FGF12: variants seen among roughly 807,000 people sequenced by gnomAD.
FGF12 encodes the protein fibroblast growth factor 12.
FGF12 carries 14 observed loss-of-function variants against 23.6 expected under a neutral mutation model. The observed-to-expected ratio is 0.59, with a 90% CI of 0.39 to 0.93. FGF12 has a LOEUF of 0.93. Ranked by LOEUF, FGF12 falls within the 40% of genes least tolerant of loss-of-function variation. The pLI is 0.00. For synonymous variants in FGF12, 62 were observed against 77.3 expected, an observed-to-expected ratio of 0.80 and a Z score of 1.04; for missense variants, 175 against 217.8, an observed-to-expected ratio of 0.80 and a Z score of 1.24.
At chr3:192,303,976 G>A (rs1415155719) in intron 4 of FGF12, among the ~76,000 whole-genome samples, 1 of 152,126 alleles carries the variant, frequency 6.6e-6, no homozygotes, top group Non-Finnish European at 1.5e-5. Context: ...TCTCCAGTAA[G>A]CCATTTCATC....
intron 2 of FGF12, among the ~76,000 whole-genome samples, chr3:192,502,241 G>A (rs1193687115): frequency 6.6e-6 from 1 of 152,174 alleles, no homozygotes; most frequent in Non-Finnish European, 1.5e-5. Context: ...TGCTTCCAAC[G>A]AGGTGTTAAG....
chr3:192,168,244 A>G (rs571708036), intron 5 of FGF12, among the ~76,000 whole-genome samples: 26 of 152,224 alleles, frequency 1.7e-4, no homozygotes, highest in Non-Finnish European at 3.5e-4. Flanking sequence ...TGAACAAATA[A>G]AAATGATGCA....
chr3:192,594,630 T>G (rs1286285704), intron 2 of FGF12, among the ~76,000 whole-genome samples: 1 of 151,838 alleles, frequency 6.6e-6, no homozygotes, highest in Non-Finnish European at 1.5e-5. Context: ...AGATAAGGTC[T>G]GATCCTAAAC....
rs1333479088 is a variant in FGF12, at chr3:192,409,565, C to T, written c.14-49027G>A. On this transcript the variant is annotated intron_variant, in intron 2 of 5. Coordinates refer to ENST00000445105, the MANE Select transcript of FGF12 (RefSeq NM_004113.6). This position sits in a 1 kb window ranked among gnomAD's most constrained non-coding sequence, Gnocchi z 4.8. ...CCGGACGCAAGGCCGATCACTCAGT[C>T]CCGCGCCGCCCATCCCGGCCGAGGA... Among the ~76,000 whole-genome samples the T allele has an allele frequency of 6.6e-6, 1 of 152,222 alleles. No homozygotes were observed. The highest frequency in any genetic ancestry group is 1.5e-5 in the Non-Finnish European group (1 of 68,042).
At chr3:192,474,772 G>T (rs1418476874) in intron 2 of FGF12, among the ~76,000 whole-genome samples, 4 of 151,714 alleles carry the variant, frequency 2.6e-5, no homozygotes, top group African/African-American at 7.3e-5. Context: ...GTAGTCCCAG[G>T]TATTTGGGAG....
chr3:192,435,271 TA>T (rs199936558), intron 2 of FGF12, among the ~76,000 whole-genome samples: 3 of 152,082 alleles, frequency 2.0e-5, no homozygotes, highest in Admixed American at 6.6e-5. Context: ...TAGTTTTTTT[TA>T]AAAAAACTTC....
In FGF12 at chr3:192,466,478, C is replaced by T. The variant is rs145897301; in HGVS notation, c.14-105940G>A. ...CCGAGCACAACAGGTATATACCTCTCAAATGTATTTGCTGTTTGCATTTAC... is the reference window on the plus strand; with the variant it reads ...CCGAGCACAACAGGTATATACCTCTTAAATGTATTTGCTGTTTGCATTTAC... On this transcript the variant is annotated intron_variant, in intron 2 of 5. Transcript: ENST00000445105. Among the ~76,000 whole-genome samples, 26 of 152,210 alleles carry T rather than the reference C, an allele frequency of 1.7e-4. 1 individual carries two copies. The East Asian group carries it at 3.7e-3, about 21-fold the overall frequency.
Position 192,408,312 on chromosome 3 carries a change from G to C in FGF12, c.14-47774C>G. On this transcript the variant is annotated intron_variant, in intron 2 of 5. Coordinates refer to ENST00000445105, the MANE Select transcript of FGF12 (RefSeq NM_004113.6). The surrounding 1 kb of genome is among the most constrained non-coding windows in gnomAD (Gnocchi z 7.3). Reference sequence around the variant, plus strand: ...GGCGAGGGCAGGACCTGGGCGGCCAGGGAAAGGGCAGTCGCGGGGAGGCAG... The same window carrying C: ...GGCGAGGGCAGGACCTGGGCGGCCACGGAAAGGGCAGTCGCGGGGAGGCAG... The C allele has an allele frequency of 6.9e-7, 1 of 1,450,272 alleles. No individual in the cohort carries two copies. Among genetic ancestry groups the C allele is most frequent in the Non-Finnish European group, 9.0e-7 (1 of 1,107,096 alleles). The allele number at this position is 1,450,272 out of a possible 1,614,324, so 89.8% of individuals were successfully genotyped here. A position where few individuals can be genotyped will look rare whatever the true frequency, so the allele number is the denominator to read the frequency against.
At chr3:192,452,133 G>GT (rs1177671548) in intron 2 of FGF12, among the ~76,000 whole-genome samples, 1 of 152,002 alleles carries the variant, frequency 6.6e-6, no homozygotes, top group African/African-American at 2.4e-5. Flanking sequence ...TAAGCTATAG[G>GT]TTTTTTTGGT....
intron 2 of FGF12, among the ~76,000 whole-genome samples, chr3:192,548,661 C>G (rs1725556510): frequency 6.6e-6 from 1 of 152,068 alleles, no homozygotes; most frequent in Non-Finnish European, 1.5e-5. Context: ...ATTATTAATT[C>G]CAGTGATAGC....
chr3:192,443,078 G>C (rs1239526036), intron 2 of FGF12, among the ~76,000 whole-genome samples: 1 of 152,106 alleles, frequency 6.6e-6, no homozygotes, highest in Non-Finnish European at 1.5e-5. Context: ...AAAGTGCTGA[G>C]ATTACAGGCG....
At chr3:192,426,841 A>C (rs1389557274) in intron 2 of FGF12, among the ~76,000 whole-genome samples, 3 of 152,210 alleles carry the variant, frequency 2.0e-5, no homozygotes, top group Admixed American at 6.5e-5. Flanking sequence ...CAAAATCTTG[A>C]TTTTAAATTT....
intron 4 of FGF12, among the ~76,000 whole-genome samples, chr3:192,314,724 C>T (rs1716139747): frequency 6.6e-6 from 1 of 152,120 alleles, no homozygotes; most frequent in African/African-American, 2.4e-5. Flanking sequence ...GGAAAGTAAA[C>T]ATAAGAAATT....
At chr3:192,181,615 A>T (rs1716179785) in intron 4 of FGF12, among the ~76,000 whole-genome samples, 1 of 151,410 alleles carries the variant, frequency 6.6e-6, no homozygotes, top group Admixed American at 6.6e-5. Flanking sequence ...TGTTAAAATT[A>T]AGAGAAGTAA....
In FGF12 at chr3:192,494,582, G is replaced by A. The variant is rs79592775; in HGVS notation, c.14-134044C>T. 4.0e-3 allele frequency among the ~76,000 whole-genome samples: 606 copies of A among 152,196 alleles called. 7 individuals are homozygous for A. Among genetic ancestry groups the A allele is most frequent in the African/African-American group, 0.014 (577 of 41,500 alleles). On this transcript the variant is annotated intron_variant, in intron 2 of 5. Coordinates refer to ENST00000445105, the MANE Select transcript of FGF12 (RefSeq NM_004113.6). ...CATTATCCCCTAGATGCATTCTAGT[G>A]TGATAATATTCCTTGAAAATCATGA...
At chr3:192,166,402 A>G (rs1187866670) in intron 5 of FGF12, among the ~76,000 whole-genome samples, 1 of 152,218 alleles carries the variant, frequency 6.6e-6, no homozygotes, top group Non-Finnish European at 1.5e-5. Flanking sequence ...AGCAATTAGG[A>G]GACATTTATT....
At chr3:192,671,969 A>C (rs1717139760) in intron 2 of FGF12, among the ~76,000 whole-genome samples, 1 of 152,178 alleles carries the variant, frequency 6.6e-6, no homozygotes, top group Admixed American at 6.5e-5. Context: ...GAATTCATAC[A>C]GACAAATTTC....
chr3:192,630,515 T>G (rs1011611462), intron 2 of FGF12, among the ~76,000 whole-genome samples: 20 of 151,838 alleles, frequency 1.3e-4, no homozygotes, highest in African/African-American at 4.8e-4. Flanking sequence ...TCCTGTGCTC[T>G]TAACGCTGTG....
chr3:192,445,978 C>T (rs191406755), intron 2 of FGF12, among the ~76,000 whole-genome samples: 145 of 152,286 alleles, frequency 9.5e-4, no homozygotes, highest in African/African-American at 3.4e-3. Context: ...ACAAAGGAGA[C>T]AGTCATCTGT....
Sources: gnomAD v4.1 joint callset for allele counts (sites outside exome capture counted in the v4.1 genomes callset) on GRCh38, gnomAD v4.1.1 for gene constraint, Gnocchi (gnomAD v3.1) non-coding constraint, MANE v1.5 for transcripts, NCBI Gene and HGNC (gene_info 2026-07-23, HGNC 2026-07-21) for gene names.